The following FLII variants were observed in gnomAD, a reference collection of about 807,000 sequenced individuals.
FLII encodes FLII actin remodeling protein.
FLII carries 101 observed loss-of-function variants against 156.2 expected under a neutral mutation model. The ratio of observed to expected loss-of-function variants is 0.65; its 90% confidence interval spans 0.55 to 0.76. FLII has a LOEUF of 0.76. FLII is among the 30% of genes least tolerant of loss of function. The probability of loss-of-function intolerance (pLI) is 0.00; values close to 1 mark genes in which losing one functional copy is unlikely to be tolerated. For synonymous variants in FLII, 767 were observed against 685.8 expected, an observed-to-expected ratio of 1.12 and a Z score of -1.85; for missense variants, 1,675 against 1,682.8, an observed-to-expected ratio of 1.00 and a Z score of 0.08.
intron 3 of FLII, 44 bp downstream of exon 3, chr17:18,256,482 T>C: frequency 6.7e-7 from 1 of 1,503,160 alleles, no homozygotes; most frequent in South Asian, 1.2e-5. Flanking sequence ...TGACCGGACC[T>C]TGGCCCCAAC....
rs769374386 is a variant in FLII at position 18,245,842 on chromosome 17, G to GTTGA, written c.3401_3404dup (p.Glu1136GlnfsTer4). 1.9e-6 allele frequency: 3 copies of GTTGA among 1,613,894 alleles called. No homozygotes were observed. Among genetic ancestry groups the GTTGA allele is most frequent in the Non-Finnish European group, 2.5e-6 (3 of 1,179,952 alleles). On this transcript the variant is annotated frameshift_variant, in exon 27 of 30. Transcript: ENST00000327031. LOFTEE classifies it high-confidence loss of function. ...AGAAGTTCTCAGGCTCCTCACCTTCGTTGATAACCTGCGGGAAAGGCCAGT... is the reference window on the plus strand; with the variant it reads ...AGAAGTTCTCAGGCTCCTCACCTTCGTTGATTGATAACCTGCGGGAAAGGCCAGT...
chr17:18,255,837 G>A (rs2048400687), intron 3 of FLII, among the ~76,000 whole-genome samples: 1 of 152,240 alleles, frequency 6.6e-6, no homozygotes, highest in African/African-American at 2.4e-5. Flanking sequence ...CGGGGTCACT[G>A]CTGCCCCTCC....
chr17:18,245,016 G>C lies in FLII; in HGVS notation c.*122C>G. ...CCCATTGGTGCTGCTTGAGGCTACT[G>C]GGGACTGTGGCACTGGACGTGGCTG... On this transcript the variant is annotated 3_prime_UTR_variant, in exon 30 of 30. Transcript: ENST00000327031. 1 of 1,101,006 alleles carries C rather than the reference G, an allele frequency of 9.1e-7. No homozygotes were observed. The allele number at this position is 1,101,006 out of a possible 1,614,324, so 68.2% of individuals were successfully genotyped here. A position where few individuals can be genotyped will look rare whatever the true frequency, so the allele number is the denominator to read the frequency against.
intron 9 of FLII, among the ~76,000 whole-genome samples, 199 bp from the exon 10 acceptor site, chr17:18,252,755 C>A (rs1450288858): frequency 6.6e-6 from 1 of 152,230 alleles, no homozygotes; most frequent in Non-Finnish European, 1.5e-5. Context: ...AGAGAAGCAA[C>A]ACTGCGTTCC....
rs1188749243 is a variant in FLII at position 18,253,702 on chromosome 17, T to C, written c.697A>G (p.Asn233Asp). Reference protein sequence around the residue: ...SNLADVDLSCNDLTRVPECLY... With the variant: ...SNLADVDLSCDDLTRVPECLY... Reference sequence around the variant, plus strand: ...CACTCGGGCACCCGTGTCAGGTCATTGCAGGACAGATCCACGTCTGGGGTG... The same window carrying C: ...CACTCGGGCACCCGTGTCAGGTCATCGCAGGACAGATCCACGTCTGGGGTG... The change falls in exon 8 of 30, where the codon AAT (asparagine) becomes GAT (aspartate). Residue 233 changes from asparagine to aspartate, a missense_variant. Coordinates refer to ENST00000327031, the MANE Select transcript of FLII (RefSeq NM_002018.4). The C allele has an allele frequency of 1.6e-5, 25 of 1,611,548 alleles. No homozygotes were observed. Among genetic ancestry groups the C allele is most frequent in the Non-Finnish European group, 2.0e-5 (23 of 1,179,076 alleles).
rs1274592233 is a variant in FLII, at chr17:18,253,354, T to C, written c.960A>G (p.Glu320=). The C allele has an allele frequency of 1.2e-5, 20 of 1,613,830 alleles. No homozygotes were observed. Among genetic ancestry groups the C allele is most frequent in the Non-Finnish European group, 1.6e-5 (19 of 1,180,028 alleles). ...GGTTGTTGTTGGCAGCCATGAACTC[T>C]TCCAGGTTGGTGAGCTTGCCAATGC... ...PSGIGKLTNL[E]EFMAANNNLE... is the part of the protein sequence containing the mutation. Residue 320 remains glutamate, a synonymous_variant, in exon 9 of 30, where the codon GAA becomes GAG. Transcript: ENST00000327031.
In FLII at chr17:18,247,639, C is replaced by G; in HGVS notation, c.2487+18G>C. 1 of 1,560,168 alleles carries G rather than the reference C, an allele frequency of 6.4e-7. No homozygotes were observed. The highest frequency in any genetic ancestry group is 8.6e-7 in the Non-Finnish European group (1 of 1,160,208). ...TGCGAAGGATCCTGGGGAGGGGCCT[C>G]CGAAGCTGCAAGCGCACCTGCGCCT... On this transcript the variant is annotated intron_variant, in intron 20 of 29. Coordinates refer to ENST00000327031, the MANE Select transcript of FLII (RefSeq NM_002018.4).
rs1486954570 is a variant in FLII, at chr17:18,247,827, G to A, written c.2317C>T (p.Arg773Cys). The stretch of plus-strand genomic sequence containing the variant: ...CAACAGTCCAGAATGTACACGCAGC[G>A]CGTGTCCAGCAGACTCTGCAGCTGC... ...MRLLQSLLDTRCVYILDCWSD... is the reference protein window; with the variant it reads ...MRLLQSLLDTCCVYILDCWSD... Residue 773 changes from arginine to cysteine, a missense_variant, in exon 20 of 30, where the codon CGC (arginine) becomes TGC (cysteine). Physicochemically the swap from Arg to Cys is radical, Grantham distance 180. Coordinates refer to ENST00000327031, the MANE Select transcript of FLII (RefSeq NM_002018.4). 2.5e-6 allele frequency: 4 copies of A among 1,613,542 alleles called. No individual in the cohort carries two copies. Among genetic ancestry groups the A allele is most frequent in the African/African-American group, 1.3e-5 (1 of 74,952 alleles).
At chr17:18,256,710 T>C in intron 2 of FLII, 113 bp from the exon 3 acceptor site, 2 of 963,878 alleles carry the variant, frequency 2.1e-6, no homozygotes, top group South Asian at 2.9e-5. Flanking sequence ...CTGGCCCAAC[T>C]ACCCCTGCAG....
chr17:18,254,749 G>GC lies in FLII; in HGVS notation c.413+19dup. 1 of 1,613,920 alleles carries GC rather than the reference G, an allele frequency of 6.2e-7. No homozygotes were observed. Among genetic ancestry groups the GC allele is most frequent in the South Asian group, 1.1e-5 (1 of 91,080 alleles). ...ACCCCACAGGGCCCACCTGCCCCCT[G>GC]CCCCCCACTGGCCTGGCACCTGTTG... is the stretch of plus-strand genomic sequence containing the variant. On this transcript the variant is annotated intron_variant, in intron 5 of 29. Coordinates refer to ENST00000327031, the MANE Select transcript of FLII (RefSeq NM_002018.4).
chr17:18,254,034 C>T, intron 7 of FLII, 45 bp downstream of exon 7: 1 of 1,475,974 alleles, frequency 6.8e-7, no homozygotes, highest in Non-Finnish European at 9.3e-7. Flanking sequence ...AGCAAGAGGG[C>T]CCAGAGGGGG....
At chr17:18,247,123 G>GGGGGGGGCCCCCCC in intron 21 of FLII, 46 bp downstream of exon 21, 1 of 1,249,072 alleles carries the variant, frequency 8.0e-7, no homozygotes, top group Non-Finnish European at 1.0e-6. Context: ...CCCTCGGCCT[G>GGGGGGGGCCCCCCC]CCCCCCACCC....
Position 18,251,451 on chromosome 17 carries a change from G to C in FLII, c.1410C>G (p.Ser470Arg), listed in dbSNP as rs762888548. The C allele has an allele frequency of 3.1e-6, 5 of 1,608,578 alleles. No individual in the cohort carries two copies. The highest frequency in any genetic ancestry group is 4.2e-6 in the Non-Finnish European group (5 of 1,177,164). ...CCTGGTCCCAACGCCGCACCTTCCC[G>C]CTGGGGGCCCGGGCATCTGCGCTCT... The part of the protein sequence containing the change: ...QEESADARAP[S>R]GKVRRWDQGL... Residue 470 changes from serine (S) to arginine (R), a missense_variant, in exon 13 of 30, where the codon AGC (serine) becomes AGG (arginine). Physicochemically the swap from Ser to Arg is moderately radical, Grantham distance 110 (BLOSUM62 -1). Transcript: ENST00000327031.
At position 18,251,454 on chromosome 17, in the gene FLII, G is replaced by A. The variant is rs1453612004; in HGVS notation, c.1407C>T (p.Pro469=). 6.2e-7 allele frequency: 1 copy of A among 1,607,848 alleles called. No individual in the cohort carries two copies. The highest frequency in any genetic ancestry group is 8.5e-7 in the Non-Finnish European group (1 of 1,176,858). Residue 469 remains proline, a synonymous_variant, in exon 13 of 30, where the codon CCC becomes CCT. Coordinates refer to ENST00000327031, the MANE Select transcript of FLII (RefSeq NM_002018.4). ...KQEESADARA[P]SGKVRRWDQG... ...GGTCCCAACGCCGCACCTTCCCGCT[G>A]GGGGCCCGGGCATCTGCGCTCTCCT... is the stretch of plus-strand genomic sequence containing the variant.
At position 18,258,398 on chromosome 17, in the gene FLII, C is replaced by G. The variant is rs1034099591; in HGVS notation, c.63+230G>C. 1 of 1,311,952 alleles carries G rather than the reference C, an allele frequency of 7.6e-7. No homozygotes were observed. The highest frequency in any genetic ancestry group is 2.3e-5 in the Admixed American group (1 of 42,668). The allele number at this position is 1,311,952 out of a possible 1,614,324, so 81.3% of individuals were successfully genotyped here. Reference sequence around the variant, plus strand: ...CCCGGCCGGGCCCCCGGCGGGACTCCGAGCCCAAGCGTCCGTCCCCGGCCT... The same window carrying G: ...CCCGGCCGGGCCCCCGGCGGGACTCGGAGCCCAAGCGTCCGTCCCCGGCCT... On this transcript the variant is annotated intron_variant, in intron 1 of 29. Coordinates refer to ENST00000327031, the MANE Select transcript of FLII (RefSeq NM_002018.4). The surrounding 1 kb of genome is among the most constrained non-coding windows in gnomAD (Gnocchi z 4.2).
Position 18,250,933 on chromosome 17 carries a change from A to T in FLII, c.1681T>A (p.Ser561Thr). 1.2e-5 allele frequency: 19 copies of T among 1,614,000 alleles called. No individual in the cohort carries two copies. The highest frequency in any genetic ancestry group is 1.6e-5 in the Non-Finnish European group (19 of 1,179,990). ...GEATLDKKACSAIHAVNLRNY... is the reference protein window; with the variant it reads ...GEATLDKKACTAIHAVNLRNY... ...CGCAAGTTGACAGCGTGGATGGCAGAGCAAGCTTTCTTGTCGAGTGTGGCC... is the reference window on the plus strand; with the variant it reads ...CGCAAGTTGACAGCGTGGATGGCAGTGCAAGCTTTCTTGTCGAGTGTGGCC... The change falls in exon 14 of 30, where the codon TCT (serine) becomes ACT (threonine). Residue 561 changes from serine to threonine, a missense_variant. By Grantham distance (58) the Ser-to-Thr change is moderately conservative. Transcript: ENST00000327031.
At chr17:18,257,195 A>C in intron 1 of FLII, 176 bp from the exon 2 acceptor site, 1 of 542,130 alleles carries the variant, frequency 1.8e-6, no homozygotes, top group South Asian at 2.4e-5. Context: ...TGGGAATTTT[A>C]AGCCCCCCCG....
chr17:18,249,016 GTGGGCAGGAAT>G, intron 16 of FLII, 100 bp downstream of exon 16: 1 of 1,369,276 alleles, frequency 7.3e-7, no homozygotes, highest in Non-Finnish European at 1.0e-6. Context: ...CGCCAAGCTC[GTGGGCAGGAAT>G]TGCTAGAGGG....
At chr17:18,254,374 C>T (rs1455811046) in intron 6 of FLII, 147 bp downstream of exon 6, 4 of 854,678 alleles carry the variant, frequency 4.7e-6, no homozygotes, top group Non-Finnish European at 7.1e-6. Flanking sequence ...GGACATGATA[C>T]TTAGGAGGTT....
Sources: gnomAD v4.1 joint callset for allele counts (sites outside exome capture counted in the v4.1 genomes callset) on GRCh38, gnomAD v4.1.1 for gene constraint, Gnocchi (gnomAD v3.1) non-coding constraint, MANE v1.5 for transcripts, NCBI Gene and HGNC (gene_info 2026-07-23, HGNC 2026-07-21) for gene names.